Variants in CSMD1 observed in about 807,000 individuals in gnomAD.
The protein encoded by CSMD1 is CUB and sushi domain-containing protein 1.
Under a neutral mutation model 417.5 loss-of-function variants are expected in CSMD1, and 213 were observed. That is an observed-to-expected ratio of 0.51 (90% CI 0.46 to 0.57). CSMD1 has a LOEUF of 0.57. Among genes scored for constraint, CSMD1 ranks in the 20% least tolerant of loss-of-function variants. CSMD1 has a pLI of 0.00. For synonymous variants in CSMD1, 2,862 were observed against 1,736.8 expected (o/e 1.65, Z -16.11); for missense variants, 6,923 against 4,529.7 (o/e 1.53, Z -15.17).
Position 3,230,054 on chromosome 8 carries a change from G to A in CSMD1, c.4331C>T (p.Pro1444Leu). Reference protein sequence around the residue: ...LNNRFFWQPDPPTCIAACGGN... With the variant: ...LNNRFFWQPDLPTCIAACGGN... ...TTGTCTGATACCTATGCATGTAGGA[G>A]GGTCTGGTTGCCAAAAGAACCGGTT... The change falls in exon 27 of 70, where the codon CCT becomes CTT. Residue 1444 changes from proline (P) to leucine (L), a missense_variant. By Grantham distance (98) the Pro-to-Leu change is moderately conservative. Coordinates refer to ENST00000635120, the MANE Select transcript of CSMD1 (RefSeq NM_033225.6). 6.2e-7 allele frequency: 1 copy of A among 1,605,064 alleles called. No homozygotes were observed. Among genetic ancestry groups the A allele is most frequent in the Non-Finnish European group, 8.5e-7 (1 of 1,175,258 alleles).
intron 3 of CSMD1, among the ~76,000 whole-genome samples, chr8:4,088,461 T>C (rs1052167031): frequency 3.3e-5 from 5 of 152,200 alleles, no homozygotes; most frequent in Non-Finnish European, 7.4e-5. Context: ...TCTCTATCCA[T>C]TCCCCAACAT....
intron 8 of CSMD1, among the ~76,000 whole-genome samples, chr8:3,606,044 G>A (rs980133479): frequency 2.6e-5 from 4 of 152,146 alleles, no homozygotes; most frequent in Admixed American, 2.0e-4. Flanking sequence ...TCACATGATT[G>A]TAATGAGATG....
chr8:4,944,664 T>C (rs1014340276), intron 1 of CSMD1, among the ~76,000 whole-genome samples: 7 of 152,136 alleles, frequency 4.6e-5, no homozygotes, highest in African/African-American at 1.7e-4. Flanking sequence ...ATATTATTGA[T>C]CATTAGAGGA....
intron 23 of CSMD1, among the ~76,000 whole-genome samples, chr8:3,326,843 ATT>A (rs1806562519): frequency 6.6e-6 from 1 of 152,196 alleles, no homozygotes; most frequent in Admixed American, 6.5e-5. Flanking sequence ...CCTTTTCAGG[ATT>A]CTTACAAGGT....
intron 1 of CSMD1, among the ~76,000 whole-genome samples, chr8:4,889,089 T>C (rs1361448759): frequency 2.0e-5 from 3 of 152,088 alleles, no homozygotes; most frequent in African/African-American, 7.3e-5. Context: ...GAACGTTTGA[T>C]GAGAAACGGA....
intron 52 of CSMD1, among the ~76,000 whole-genome samples, chr8:3,007,410 C>G (rs985645576): frequency 4.0e-5 from 6 of 151,442 alleles, no homozygotes; most frequent in African/African-American, 1.5e-4. Flanking sequence ...ACCCAGCCAT[C>G]CCATTACTGG....
intron 5 of CSMD1, among the ~76,000 whole-genome samples, chr8:3,794,265 C>T (rs1193150071): frequency 6.6e-6 from 1 of 152,186 alleles, no homozygotes; most frequent in African/African-American, 2.4e-5. Context: ...TGGCCTGCAG[C>T]TACTTCCCTT....
intron 5 of CSMD1, among the ~76,000 whole-genome samples, chr8:3,952,899 C>G (rs541700237): frequency 4.6e-5 from 7 of 152,008 alleles, no homozygotes; most frequent in African/African-American, 1.7e-4. Context: ...GGCAACTCAG[C>G]GAAAGCTGTA....
At chr8:3,432,774 A>C (rs1279249905) in intron 12 of CSMD1, among the ~76,000 whole-genome samples, 2 of 152,148 alleles carry the variant, frequency 1.3e-5, no homozygotes, top group Non-Finnish European at 2.9e-5. Context: ...TTGGCCTCCC[A>C]AAGTCCTGGG....
At chr8:4,927,017 C>CTT (rs1806914228) in intron 1 of CSMD1, among the ~76,000 whole-genome samples, 1 of 151,460 alleles carries the variant, frequency 6.6e-6, no homozygotes, top group South Asian at 2.1e-4. Context: ...GTAGACATCC[C>CTT]GTATCTAAAA....
intron 3 of CSMD1, among the ~76,000 whole-genome samples, chr8:4,182,259 T>C (rs751580426): frequency 1.3e-5 from 2 of 152,120 alleles, no homozygotes; most frequent in African/African-American, 2.4e-5. Context: ...TATATCTAGA[T>C]TATCGTTTGC....
chr8:4,098,373 T>C (rs1257510209), intron 3 of CSMD1, among the ~76,000 whole-genome samples: 4 of 151,462 alleles, frequency 2.6e-5, no homozygotes, highest in Non-Finnish European at 5.9e-5. Context: ...ATTTTTTTTC[T>C]ACAAAATTTA....
chr8:3,172,073 C>T (rs71521810), intron 37 of CSMD1, among the ~76,000 whole-genome samples: 13,006 of 152,216 alleles, frequency 0.085, 652 homozygotes, highest in Middle Eastern at 0.12. Context: ...TGCAGTAAAT[C>T]GAGCTCCTTG....
chr8:3,227,171 C>A (rs989368375), intron 27 of CSMD1, among the ~76,000 whole-genome samples: 6 of 152,094 alleles, frequency 3.9e-5, no homozygotes, highest in Admixed American at 1.3e-4. Context: ...GAGTCTGAGG[C>A]AGGCAGATCA....
At position 3,022,916 on chromosome 8, in the gene CSMD1, C is replaced by G. The variant is rs1254814723; in HGVS notation, c.7856-4266G>C. Among the ~76,000 whole-genome samples, 3 of 152,150 alleles carry G rather than the reference C, an allele frequency of 2.0e-5. No homozygotes were observed. In the East Asian group the frequency reaches 5.8e-4, roughly 29 times the overall value. ...ACTGGATATAAGTCACATAGGAAGCCTGGCACAAAGTAAAAATGTTCAAAC... is the reference window on the plus strand; with the variant it reads ...ACTGGATATAAGTCACATAGGAAGCGTGGCACAAAGTAAAAATGTTCAAAC... On this transcript the variant is annotated intron_variant, in intron 51 of 69. Coordinates refer to ENST00000635120, the MANE Select transcript of CSMD1 (RefSeq NM_033225.6).
chr8:4,086,502 C>G (rs1169960951), intron 3 of CSMD1, among the ~76,000 whole-genome samples: 4 of 152,180 alleles, frequency 2.6e-5, no homozygotes, highest in Non-Finnish European at 5.9e-5. Flanking sequence ...AATTCTAACT[C>G]ATTACAAAAG....
At chr8:4,751,122 G>A (rs933469246) in intron 1 of CSMD1, among the ~76,000 whole-genome samples, 1 of 152,178 alleles carries the variant, frequency 6.6e-6, no homozygotes, top group Non-Finnish European at 1.5e-5. Flanking sequence ...CAGTGGCTCA[G>A]GCCTGTAATC....
intron 3 of CSMD1, among the ~76,000 whole-genome samples, chr8:4,223,664 T>C (rs967936465): frequency 5.9e-5 from 9 of 152,364 alleles, no homozygotes; most frequent in African/African-American, 1.9e-4. Flanking sequence ...AGTCTGTCTG[T>C]GCTCTTGGAA....
At chr8:3,701,331 C>G (rs930835894) in intron 7 of CSMD1, among the ~76,000 whole-genome samples, 1 of 152,062 alleles carries the variant, frequency 6.6e-6, no homozygotes, top group African/African-American at 2.4e-5. Context: ...CATGGTAGCC[C>G]TATTCATGAT....
Sources: gnomAD v4.1 joint callset for allele counts (sites outside exome capture counted in the v4.1 genomes callset) on GRCh38, gnomAD v4.1.1 for gene constraint, MANE v1.5 for transcripts, NCBI Gene and HGNC (gene_info 2026-07-23, HGNC 2026-07-21) for gene names.